The following CPVL variants were observed in gnomAD, a reference collection of about 807,000 sequenced individuals.
The protein encoded by CPVL is probable serine carboxypeptidase CPVL.
A neutral mutation model predicts 63.7 loss-of-function variants in CPVL; 51 were observed. The observed-to-expected ratio is 0.80, with a 90% CI of 0.64 to 1.01. CPVL has a LOEUF of 1.01. Among genes scored for constraint, CPVL ranks in the 50% least tolerant of loss-of-function variants. CPVL has a pLI of 0.00. For synonymous variants in CPVL, 195 were observed against 206.0 expected, an observed-to-expected ratio of 0.95 and a Z score of 0.46; for missense variants, 530 against 573.1, an observed-to-expected ratio of 0.92 and a Z score of 0.77.
intron 5 of CPVL, among the ~76,000 whole-genome samples, chr7:29,093,356 G>C (rs1202800770): frequency 1.6e-5 from 2 of 128,552 alleles, no homozygotes; most frequent in East Asian, 4.9e-4. Flanking sequence ...CAGCCTGGGT[G>C]ACCAAGCGAG....
intron 11 of CPVL, among the ~76,000 whole-genome samples, chr7:29,048,376 T>C (rs147225522): frequency 1.3e-5 from 2 of 152,134 alleles, no homozygotes; most frequent in Non-Finnish European, 2.9e-5. Flanking sequence ...AGGCATTTCA[T>C]GCAAAGAGAC....
intron 5 of CPVL, among the ~76,000 whole-genome samples, chr7:29,180,498 C>T (rs1797931164): frequency 2.0e-5 from 3 of 151,002 alleles, no homozygotes; most frequent in East Asian, 1.9e-4. Context: ...CTGCACTGGG[C>T]GACAGAGCGA....
At chr7:28,998,509 T>C (rs1316284326) in intron 12 of CPVL, among the ~76,000 whole-genome samples, 1 of 152,164 alleles carries the variant, frequency 6.6e-6, no homozygotes, top group Non-Finnish European at 1.5e-5. Context: ...TACTTTACAA[T>C]TGGGAAACAA....
At chr7:29,062,990 G>C (rs1017992609) in intron 11 of CPVL, among the ~76,000 whole-genome samples, 1 of 152,096 alleles carries the variant, frequency 6.6e-6, no homozygotes, top group Non-Finnish European at 1.5e-5. Flanking sequence ...CGATCCCTTG[G>C]GCAAAGGCTA....
At chr7:29,141,038 T>G (rs892810881) in intron 1 of CPVL, among the ~76,000 whole-genome samples, 2 of 152,036 alleles carry the variant, frequency 1.3e-5, no homozygotes, top group African/African-American at 2.4e-5. Flanking sequence ...GTTCAAGAAG[T>G]TGGGTGAAAA....
intron 7 of CPVL, among the ~76,000 whole-genome samples, chr7:29,084,230 G>A (rs143620437): frequency 0.01 from 1,540 of 152,260 alleles, 19 homozygotes; most frequent in African/African-American, 0.035. Flanking sequence ...GGATCCACTG[G>A]CCTCTTTCTG....
At chr7:29,113,084 T>A (rs556227414) in intron 2 of CPVL, among the ~76,000 whole-genome samples, 16 of 151,804 alleles carry the variant, frequency 1.1e-4, no homozygotes, top group Admixed American at 3.3e-4. Flanking sequence ...TGTAATAAGG[T>A]TTTTTTTAAG....
chr7:29,128,777 C>A (rs1790364258), intron 1 of CPVL, among the ~76,000 whole-genome samples: 1 of 151,394 alleles, frequency 6.6e-6, no homozygotes, highest in African/African-American at 2.4e-5. Context: ...AGATGGGGTG[C>A]AAGTGTTTCA....
At chr7:29,095,756 G>C (rs1786342560) in intron 4 of CPVL, among the ~76,000 whole-genome samples, 1 of 152,096 alleles carries the variant, frequency 6.6e-6, no homozygotes, top group African/African-American at 2.4e-5. Flanking sequence ...TAGTTCATGT[G>C]AGTAATTAAG....
intron 5 of CPVL, among the ~76,000 whole-genome samples, chr7:29,157,249 C>T (rs141363794): frequency 0.015 from 2,296 of 152,184 alleles, 45 homozygotes; most frequent in African/African-American, 0.052. Flanking sequence ...GAATGAGATG[C>T]GACCCCTCCC....
chr7:29,089,250 G>A (rs576132705), intron 6 of CPVL, among the ~76,000 whole-genome samples: 1 of 152,266 alleles, frequency 6.6e-6, no homozygotes, highest in Non-Finnish European at 1.5e-5. Flanking sequence ...TTTAAACAGA[G>A]ATTGGGTGGA....
intron 11 of CPVL, among the ~76,000 whole-genome samples, chr7:29,049,754 CTA>C (rs1050723608): frequency 1.3e-5 from 2 of 152,068 alleles, no homozygotes; most frequent in African/African-American, 4.8e-5. Flanking sequence ...AACATAGACA[CTA>C]AAATCCTTAA....
chr7:29,104,016 G>A (rs1011811511), intron 3 of CPVL, among the ~76,000 whole-genome samples: 1 of 152,098 alleles, frequency 6.6e-6, no homozygotes, highest in African/African-American at 2.4e-5. Context: ...TACACTAATG[G>A]TATTAATCAA....
intron 1 of CPVL, chr7:29,193,727 T>C (rs1019994616): frequency 4.6e-5 from 7 of 152,222 alleles, no homozygotes; most frequent in East Asian, 1.9e-4. Context: ...ACCTGAGCAG[T>C]TCCTATCCTG....
intron 12 of CPVL, among the ~76,000 whole-genome samples, chr7:29,006,573 G>A (rs1485841246): frequency 2.0e-5 from 3 of 152,032 alleles, no homozygotes; most frequent in African/African-American, 7.2e-5. Flanking sequence ...ATTTATATCA[G>A]AGCACCATGA....
chr7:29,033,359 T>C (rs1484728736), intron 11 of CPVL, among the ~76,000 whole-genome samples: 1 of 152,136 alleles, frequency 6.6e-6, no homozygotes, highest in East Asian at 1.9e-4. Context: ...GGGCACGGCA[T>C]AGGGGTGGTC....
At chr7:29,098,108 C>T (rs1786632945) in intron 3 of CPVL, among the ~76,000 whole-genome samples, 1 of 152,182 alleles carries the variant, frequency 6.6e-6, no homozygotes, top group Non-Finnish European at 1.5e-5. Flanking sequence ...AATCCCACCA[C>T]CTCTGACTTG....
intron 3 of CPVL, among the ~76,000 whole-genome samples, chr7:29,105,852 T>C (rs545555255): frequency 1.3e-5 from 2 of 152,246 alleles, no homozygotes; most frequent in Admixed American, 6.5e-5. Flanking sequence ...GCTTCCTATG[T>C]CCACTAAGGA....
intron 11 of CPVL, among the ~76,000 whole-genome samples, chr7:29,059,919 T>C (rs1374270657): frequency 1.3e-5 from 2 of 152,200 alleles, no homozygotes; most frequent in African/African-American, 4.8e-5. Context: ...AGGGCAGCAA[T>C]TTGCCCTGTG....
Sources: gnomAD v4.1 joint callset for allele counts (sites outside exome capture counted in the v4.1 genomes callset) on GRCh38, gnomAD v4.1.1 for gene constraint, MANE v1.5 for transcripts, NCBI Gene and HGNC (gene_info 2026-07-23, HGNC 2026-07-21) for gene names.